The following PHAX variants were observed in gnomAD, a reference collection of about 807,000 sequenced individuals.
PHAX encodes phosphorylated adaptor for RNA export, also known as phosphorylated adapter RNA export protein.
In PHAX, 31 loss-of-function variants were observed where a neutral mutation model predicts 41.6. The observed-to-expected ratio is 0.75, with a 90% CI of 0.56 to 1.01. The LOEUF is 1.01. Among genes scored for constraint, PHAX ranks in the 50% least tolerant of loss-of-function variants. The probability of loss-of-function intolerance (pLI) is 0.00; values close to 1 mark genes in which losing one functional copy is unlikely to be tolerated. For synonymous variants in PHAX, 175 were observed against 164.9 expected (o/e 1.06, Z -0.47); for missense variants, 453 against 472.9 (o/e 0.96, Z 0.39).
chr5:126,606,318 C>T (rs1190527288), intron 2 of PHAX, among the ~76,000 whole-genome samples: 5 of 151,942 alleles, frequency 3.3e-5, no homozygotes, highest in African/African-American at 7.3e-5. Context: ...GCCTCAGCCT[C>T]GTGAGTAGCT....
chr5:126,612,731 C>T (rs889466175), intron 3 of PHAX, among the ~76,000 whole-genome samples: 3 of 151,950 alleles, frequency 2.0e-5, no homozygotes, highest in South Asian at 2.1e-4. Flanking sequence ...ATTTCCTTTC[C>T]GCTGCTGTTT....
chr5:126,617,339 G>T lies in PHAX; in HGVS notation c.915+6G>T. The T allele has an allele frequency of 6.4e-7, 1 of 1,561,126 alleles. No individual in the cohort carries two copies. On this transcript the variant is annotated splice_donor_region_variant and intron_variant, in intron 4 of 4. Coordinates refer to ENST00000297540, the MANE Select transcript of PHAX (RefSeq NM_032177.4). ...TCAGCGAGGAACAAATTAAGGTAAT[G>T]ATAATGTCCTCACCTCTTAAGCGCC...
At chr5:126,615,046 C>T (rs997073914) in intron 3 of PHAX, among the ~76,000 whole-genome samples, 7 of 152,212 alleles carry the variant, frequency 4.6e-5, no homozygotes, top group Middle Eastern at 3.4e-3. Context: ...CCACCGTACC[C>T]GGCCCTAACA....
At chr5:126,608,627 C>A in intron 3 of PHAX, 143 bp downstream of exon 3, 1 of 660,692 alleles carries the variant, frequency 1.5e-6, no homozygotes, top group Non-Finnish European at 2.5e-6. Flanking sequence ...CTATTATCAA[C>A]AATGAAGACT....
rs34986351 is a variant in PHAX, at chr5:126,625,596, C to CA, written c.*767dup. On this transcript the variant is annotated 3_prime_UTR_variant, in exon 5 of 5. Coordinates refer to ENST00000297540, the MANE Select transcript of PHAX (RefSeq NM_032177.4). ...TGGGCGACAGAGCAAGACTCTGTCT[C>CA]AAAAAAAAAAAAAAATACAATTAAG... 37,345 of 117,334 alleles carry CA rather than the reference C, an allele frequency of 0.32. 6,180 individuals are homozygous for CA. Among genetic ancestry groups the CA allele is most frequent in the African/African-American group, 0.51 (17,646 of 34,302 alleles). The allele number at this position is 117,334 out of a possible 1,614,324, so 7.3% of individuals were successfully genotyped here. A position where few individuals can be genotyped will look rare whatever the true frequency, so the allele number is the denominator to read the frequency against.
intron 2 of PHAX, among the ~76,000 whole-genome samples, chr5:126,606,422 C>G (rs1277077851): frequency 6.6e-6 from 1 of 151,926 alleles, no homozygotes; most frequent in East Asian, 1.9e-4. Context: ...GTCTCGAACT[C>G]CAGACCACCT....
intron 3 of PHAX, among the ~76,000 whole-genome samples, chr5:126,611,033 G>GT (rs1219547747): frequency 5.0e-5 from 7 of 139,460 alleles, no homozygotes; most frequent in East Asian, 2.1e-4. Context: ...TTTTTTTTTT[G>GT]TTTTTTTTCT....
At chr5:126,617,927 A>G (rs1326584629) in intron 4 of PHAX, among the ~76,000 whole-genome samples, 1 of 151,350 alleles carries the variant, frequency 6.6e-6, no homozygotes, top group Non-Finnish European at 1.5e-5. Context: ...TACACTTTTT[A>G]TTTGTTTCTC....
chr5:126,621,419 C>T (rs1752270640), intron 4 of PHAX, among the ~76,000 whole-genome samples: 1 of 151,822 alleles, frequency 6.6e-6, no homozygotes, highest in African/African-American at 2.4e-5. Flanking sequence ...AACTCCTGGC[C>T]TTAAGCAATC....
chr5:126,613,613 C>T (rs1404735348), intron 3 of PHAX, among the ~76,000 whole-genome samples: 3 of 151,974 alleles, frequency 2.0e-5, no homozygotes, highest in South Asian at 2.1e-4. Context: ...CCCAGAAGGT[C>T]GAGCTGCAGT....
intron 4 of PHAX, among the ~76,000 whole-genome samples, chr5:126,618,854 T>C (rs975664987): frequency 1.1e-4 from 17 of 152,110 alleles, no homozygotes; most frequent in African/African-American, 4.1e-4. Context: ...AGATGGGGTT[T>C]CACCATGTTA....
Position 126,603,575 on chromosome 5 carries a change from G to C in PHAX, c.102G>C (p.Val34=), listed in dbSNP as rs757522307. The part of the protein sequence containing the change: ...PSDRPLQLPK[V]LGGDSAMRAF... The stretch of plus-strand genomic sequence containing the variant: ...GTGTTTCTTTTCACTTGCAGAAAGT[G>C]CTAGGTGGCGACAGTGCTATGAGGG... The change falls in exon 2 of 5, where the codon GTG becomes GTC. Residue 34 remains valine (V), a synonymous_variant. Transcript: ENST00000297540. 6.2e-7 allele frequency: 1 copy of C among 1,604,444 alleles called. No individual in the cohort carries two copies. Among genetic ancestry groups the C allele is most frequent in the Non-Finnish European group, 8.5e-7 (1 of 1,172,546 alleles).
At chr5:126,607,775 C>G (rs1013728810) in intron 2 of PHAX, among the ~76,000 whole-genome samples, 4 of 152,164 alleles carry the variant, frequency 2.6e-5, no homozygotes, top group African/African-American at 9.6e-5. Context: ...TTTCTAACCT[C>G]TCAGTGACAA....
chr5:126,616,880 CAAA>C (rs35808274), intron 3 of PHAX, among the ~76,000 whole-genome samples: 8 of 91,192 alleles, frequency 8.8e-5, no homozygotes, highest in Admixed American at 1.2e-4. Flanking sequence ...AACTCCATCT[CAAA>C]AAAAAAAAAA....
intron 1 of PHAX, among the ~76,000 whole-genome samples, chr5:126,602,733 G>C (rs1164628864): frequency 6.6e-6 from 1 of 151,970 alleles, no homozygotes; most frequent in Non-Finnish European, 1.5e-5. Flanking sequence ...GGCTGGGCGC[G>C]GTGGCTCACG....
chr5:126,607,091 T>C (rs923860642), intron 2 of PHAX, among the ~76,000 whole-genome samples: 1 of 152,172 alleles, frequency 6.6e-6, no homozygotes, highest in African/African-American at 2.4e-5. Context: ...TAATGAACAG[T>C]GTCATAAATT....
Position 126,603,798 on chromosome 5 carries a change from G to A in PHAX, c.325G>A (p.Ala109Thr). Residue 109 changes from alanine to threonine, a missense_variant, in exon 2 of 5, where the codon GCT (alanine) becomes ACT (threonine). By Grantham distance (58) the Ala-to-Thr change is moderately conservative (BLOSUM62 0). Transcript: ENST00000297540. The part of the protein sequence containing the change: ...FGQSSQKPPV[A>T]GGKKINNIWG... Reference sequence around the variant, plus strand: ...CCAGAGCAGTCAGAAACCACCTGTTGCTGGAGGAAAGAAGATTAACAACAT... The same window carrying A: ...CCAGAGCAGTCAGAAACCACCTGTTACTGGAGGAAAGAAGATTAACAACAT... 6.2e-7 allele frequency: 1 copy of A among 1,614,154 alleles called. No individual in the cohort carries two copies.
At chr5:126,619,694 A>G (rs1223752991) in intron 4 of PHAX, among the ~76,000 whole-genome samples, 2 of 152,130 alleles carry the variant, frequency 1.3e-5, no homozygotes, top group African/African-American at 4.8e-5. Flanking sequence ...AGTATTATAA[A>G]CTAGAAGGTG....
chr5:126,620,386 G>C (rs182977432), intron 4 of PHAX, among the ~76,000 whole-genome samples: 76 of 152,194 alleles, frequency 5.0e-4, no homozygotes, highest in Admixed American at 2.9e-3. Flanking sequence ...AATATTCTCA[G>C]GCAGGAGAAA....
Sources: gnomAD v4.1 joint callset for allele counts (sites outside exome capture counted in the v4.1 genomes callset) on GRCh38, gnomAD v4.1.1 for gene constraint, MANE v1.5 for transcripts, NCBI Gene and HGNC (gene_info 2026-07-23, HGNC 2026-07-21) for gene names.